The following FMN2 variants were observed in gnomAD, a reference collection of about 807,000 sequenced individuals.
FMN2 encodes formin 2.
Under a neutral mutation model 142.3 loss-of-function variants are expected in FMN2, and 51 were observed. That is an observed-to-expected ratio of 0.36 (90% CI 0.29 to 0.45). FMN2 has a LOEUF of 0.45. Among genes scored for constraint, FMN2 ranks in the 20% least tolerant of loss-of-function variants. The pLI is 1.00. For missense variants in FMN2, 1,936 were observed against 2,122.8 expected, an observed-to-expected ratio of 0.91 and a Z score of 1.73; for synonymous variants, 882 against 869.8, an observed-to-expected ratio of 1.01 and a Z score of -0.25.
At chr1:240,235,148 A>C (rs2102855985) in intron 6 of FMN2, among the ~76,000 whole-genome samples, 1 of 152,294 alleles carries the variant, frequency 6.6e-6, no homozygotes, top group East Asian at 1.9e-4. Context: ...TTTGGCTTCT[A>C]ATTCAAAAAT....
chr1:240,263,141 CCA>C (rs1438769293), intron 7 of FMN2, among the ~76,000 whole-genome samples: 1 of 152,140 alleles, frequency 6.6e-6, no homozygotes, highest in African/African-American at 2.4e-5. Flanking sequence ...GAACCCTCCC[CCA>C]CACACAGATA....
intron 2 of FMN2, among the ~76,000 whole-genome samples, chr1:240,172,922 C>CT (rs34541723): frequency 0.31 from 46,113 of 150,902 alleles, 7,485 homozygotes; most frequent in African/African-American, 0.43. Flanking sequence ...GCCAGTGGCC[C>CT]TTTTTTTTGT....
At chr1:240,410,432 G>A (rs1572278675) in intron 15 of FMN2, among the ~76,000 whole-genome samples, 2 of 152,208 alleles carry the variant, frequency 1.3e-5, no homozygotes, top group East Asian at 3.9e-4. Context: ...AATCCATAGG[G>A]GCAAACTCAG....
intron 5 of FMN2, among the ~76,000 whole-genome samples, chr1:240,209,926 A>G (rs1666623672): frequency 6.6e-6 from 1 of 152,062 alleles, no homozygotes; most frequent in African/African-American, 2.4e-5. Context: ...GTAAGTAAAT[A>G]AATAAATAAA....
chr1:240,148,432 AAGAGAGAGAC>A (rs1663605624), intron 2 of FMN2, among the ~76,000 whole-genome samples: 4 of 136,866 alleles, frequency 2.9e-5, no homozygotes, highest in Non-Finnish European at 4.9e-5. Context: ...AAGATACAGA[AAGAGAGAGAC>A]AGAGAGAGAG....
chr1:240,355,925 T>G lies in FMN2; in HGVS notation c.4858+17T>G, dbSNP rs1672249117. 3 of 1,066,876 alleles carry G rather than the reference T, an allele frequency of 2.8e-6. No individual in the cohort carries two copies. Among genetic ancestry groups the G allele is most frequent in the African/African-American group, 3.7e-5 (2 of 53,388 alleles). The allele number at this position is 1,066,876 out of a possible 1,614,324, so 66.1% of individuals were successfully genotyped here. On this transcript the variant is annotated intron_variant, in intron 14 of 17. Coordinates refer to ENST00000319653, the MANE Select transcript of FMN2 (RefSeq NM_020066.5). Reference sequence around the variant, plus strand: ...TTATTCAAGGTAAATTCCAAAGAGATGTGTTATGTTTTTCTCCCCTTTCAG... The same window carrying G: ...TTATTCAAGGTAAATTCCAAAGAGAGGTGTTATGTTTTTCTCCCCTTTCAG...
At chr1:240,388,881 G>A (rs1035293725) in intron 14 of FMN2, among the ~76,000 whole-genome samples, 2 of 151,232 alleles carry the variant, frequency 1.3e-5, no homozygotes, top group African/African-American at 2.4e-5. Flanking sequence ...AAAAAAAGGG[G>A]GGGGGTCAAG....
intron 8 of FMN2, among the ~76,000 whole-genome samples, chr1:240,316,755 CATT>C (rs1670795839): frequency 6.6e-6 from 1 of 151,992 alleles, no homozygotes; most frequent in Non-Finnish European, 1.5e-5. Flanking sequence ...ATTTTAGACT[CATT>C]ATAGATTCAG....
At position 240,179,555 on chromosome 1, in the gene FMN2, G is replaced by C. The variant is rs199930338; in HGVS notation, c.1930+1487G>C. ...GTTGTTCCAGGTTACTGAGTTTATC[G>C]TAACACTTACAGAGAGCAGTTTCTC... On this transcript the variant is annotated intron_variant, in intron 3 of 17. Transcript: ENST00000319653. The C allele has an allele frequency of 2.0e-5, 3 of 152,238 alleles. No individual in the cohort carries two copies. The East Asian group carries it at 5.8e-4, about 29-fold the overall frequency. 9.4% of individuals were successfully genotyped at this position (152,238 alleles called of 1,614,324 possible).
intron 11 of FMN2, among the ~76,000 whole-genome samples, chr1:240,333,247 A>T (rs957895363): frequency 1.3e-5 from 2 of 152,124 alleles, no homozygotes; most frequent in Non-Finnish European, 2.9e-5. Context: ...ATATGAAACA[A>T]TTTTACCTTT....
chr1:240,461,121 C>T (rs1389121466), intron 16 of FMN2, among the ~76,000 whole-genome samples: 1 of 152,128 alleles, frequency 6.6e-6, no homozygotes, highest in Admixed American at 6.6e-5. Context: ...CCTGTATTCC[C>T]GCTTTTTATC....
intron 7 of FMN2, among the ~76,000 whole-genome samples, chr1:240,259,486 A>C (rs191195916): frequency 4.0e-3 from 268 of 67,160 alleles, no homozygotes; most frequent in Non-Finnish European, 5.8e-3. Context: ...AACCCTGTAC[A>C]CTTTTTTTTT....
At position 240,289,154 on chromosome 1, in the gene FMN2, G is replaced by C. The variant is rs10926198; in HGVS notation, c.4154-5668G>C. Among the ~76,000 whole-genome samples the C allele has an allele frequency of 9.9e-3, 1,509 of 152,206 alleles. 24 individuals carry two copies. Among genetic ancestry groups the C allele is most frequent in the African/African-American group, 0.034 (1,432 of 41,526 alleles). Reference sequence around the variant, plus strand: ...GGGCATCTTTACCACCAGTTTAGCAGGTCACACAGGAAAGATTAAAGTAGG... The same window carrying C: ...GGGCATCTTTACCACCAGTTTAGCACGTCACACAGGAAAGATTAAAGTAGG... On this transcript the variant is annotated intron_variant, in intron 7 of 17. Coordinates refer to ENST00000319653, the MANE Select transcript of FMN2 (RefSeq NM_020066.5).
intron 3 of FMN2, among the ~76,000 whole-genome samples, chr1:240,183,002 C>T (rs1572030323): frequency 6.6e-6 from 1 of 151,360 alleles, no homozygotes; most frequent in African/African-American, 2.4e-5. Flanking sequence ...CTGTAGCCTT[C>T]GTCACCCGAG....
intron 15 of FMN2, among the ~76,000 whole-genome samples, chr1:240,432,958 T>C (rs1319156698): frequency 6.6e-6 from 1 of 152,164 alleles, no homozygotes; most frequent in Non-Finnish European, 1.5e-5. Context: ...CATAATGTTC[T>C]ACAGATGCCA....
chr1:240,130,703 T>C (rs993774100), intron 2 of FMN2, among the ~76,000 whole-genome samples: 1 of 152,228 alleles, frequency 6.6e-6, no homozygotes, highest in Non-Finnish European at 1.5e-5. Context: ...GGAACTCCCA[T>C]CCAGCACAAC....
chr1:240,413,805 A>C (rs1674493658), intron 15 of FMN2, among the ~76,000 whole-genome samples: 1 of 152,188 alleles, frequency 6.6e-6, no homozygotes, highest in African/African-American at 2.4e-5. Flanking sequence ...TGCCTTCAAA[A>C]ATGTTAGGAT....
chr1:240,421,328 A>T (rs1257514192), intron 15 of FMN2, among the ~76,000 whole-genome samples: 3 of 152,130 alleles, frequency 2.0e-5, no homozygotes, highest in Admixed American at 1.3e-4. Context: ...TTTAATGTCT[A>T]CCTTTAAATT....
At chr1:240,443,933 C>G (rs547590712) in intron 16 of FMN2, among the ~76,000 whole-genome samples, 1 of 152,172 alleles carries the variant, frequency 6.6e-6, no homozygotes, top group South Asian at 2.1e-4. Context: ...CACCTAGCCA[C>G]TAATGAGGCT....
Sources: gnomAD v4.1 joint callset for allele counts (sites outside exome capture counted in the v4.1 genomes callset) on GRCh38, gnomAD v4.1.1 for gene constraint, MANE v1.5 for transcripts, NCBI Gene and HGNC (gene_info 2026-07-23, HGNC 2026-07-21) for gene names.